NARS2: variants seen among roughly 807,000 people sequenced by gnomAD.
NARS2 encodes asparaginyl-tRNA synthetase.
Under a neutral mutation model 62.9 loss-of-function variants are expected in NARS2, and 60 were observed. The observed-to-expected ratio is 0.95, with a 90% CI of 0.77 to 1.18. NARS2 has a LOEUF of 1.18. Among genes scored for constraint, NARS2 ranks in the 50% most tolerant of loss-of-function variants. The pLI, the probability that NARS2 is intolerant of heterozygous loss-of-function variation, is 0.00. For synonymous variants in NARS2, 196 were observed against 200.0 expected, an observed-to-expected ratio of 0.98 and a Z score of 0.17; for missense variants, 619 against 576.4, an observed-to-expected ratio of 1.07 and a Z score of -0.76.
intron 9 of NARS2, among the ~76,000 whole-genome samples, chr11:78,471,472 A>G (rs866987574): frequency 1.2e-4 from 19 of 152,224 alleles, no homozygotes; most frequent in African/African-American, 3.9e-4. Flanking sequence ...TTATACAAAC[A>G]TTTAAAAATT....
chr11:78,439,124 A>G (rs943376472), intron 13 of NARS2, among the ~76,000 whole-genome samples: 4 of 151,720 alleles, frequency 2.6e-5, no homozygotes, highest in Admixed American at 2.0e-4. Flanking sequence ...TGAAACATCC[A>G]TCTCCCAGGT....
chr11:78,555,191 C>T (rs889790371), intron 5 of NARS2: 1 of 152,042 alleles, frequency 6.6e-6, no homozygotes, highest in African/African-American at 2.4e-5. Context: ...TTGATATTTT[C>T]TTTTTTTGTT....
intron 5 of NARS2, chr11:78,558,576 CCATT>C (rs1485178036): frequency 3.3e-5 from 5 of 152,296 alleles, no homozygotes; most frequent in Admixed American, 3.3e-4. Flanking sequence ...TTCTCTCTGT[CCATT>C]ATTATACAAC....
intron 13 of NARS2, among the ~76,000 whole-genome samples, chr11:78,437,527 C>T (rs549048979): frequency 7.2e-5 from 11 of 152,244 alleles, no homozygotes; most frequent in Middle Eastern, 6.8e-3. Flanking sequence ...CACTAAAGAC[C>T]ACATGGCAAG....
intron 12 of NARS2, among the ~76,000 whole-genome samples, chr11:78,442,436 C>A (rs1298873446): frequency 6.6e-6 from 1 of 152,106 alleles, no homozygotes; most frequent in Admixed American, 6.6e-5. Flanking sequence ...AACTAAGTTA[C>A]CCAGGAGATT....
intron 10 of NARS2, 147 bp downstream of exon 10, chr11:78,469,100 A>C: frequency 3.7e-6 from 2 of 534,636 alleles, no homozygotes; most frequent in South Asian, 6.1e-5. Flanking sequence ...CAAACATCAA[A>C]ATCTTAAGTC....
intron 11 of NARS2, among the ~76,000 whole-genome samples, chr11:78,445,776 T>C (rs1857738517): frequency 6.6e-6 from 1 of 152,102 alleles, no homozygotes. Flanking sequence ...ACAGCAAGAC[T>C]CCGTCCCTAC....
intron 7 of NARS2, among the ~76,000 whole-genome samples, chr11:78,484,956 A>G (rs904099046): frequency 6.6e-6 from 1 of 152,254 alleles, no homozygotes; most frequent in Non-Finnish European, 1.5e-5. Context: ...AGTACTATTT[A>G]CAACAGCAAA....
intron 6 of NARS2, among the ~76,000 whole-genome samples, chr11:78,516,605 TAC>T (rs1459847358): frequency 6.6e-6 from 1 of 152,222 alleles, no homozygotes; most frequent in Non-Finnish European, 1.5e-5. Context: ...TACTTTTTGA[TAC>T]ACACAGTTTC....
At chr11:78,503,532 C>T (rs983145539) in intron 6 of NARS2, among the ~76,000 whole-genome samples, 2 of 152,196 alleles carry the variant, frequency 1.3e-5, no homozygotes, top group African/African-American at 2.4e-5. Context: ...GCCACCATGC[C>T]CAGCCTGATC....
intron 13 of NARS2, among the ~76,000 whole-genome samples, chr11:78,437,105 G>A: frequency 6.6e-6 from 1 of 152,118 alleles, no homozygotes; most frequent in East Asian, 1.9e-4. Flanking sequence ...CTTGCCTCAG[G>A]AGGCTACAGA....
intron 11 of NARS2, among the ~76,000 whole-genome samples, chr11:78,463,833 A>C (rs1173420746): frequency 6.6e-6 from 1 of 151,602 alleles, no homozygotes; most frequent in Admixed American, 6.6e-5. Context: ...AAATCTGCCT[A>C]GACTGCCTGT....
At chr11:78,490,064 C>G (rs376483541) in intron 7 of NARS2, among the ~76,000 whole-genome samples, 1 of 152,040 alleles carries the variant, frequency 6.6e-6, no homozygotes, top group Non-Finnish European at 1.5e-5. Flanking sequence ...AGAAATGAAA[C>G]TTTACATTCA....
At chr11:78,538,925 G>A (rs533357554) in intron 5 of NARS2, among the ~76,000 whole-genome samples, 1 of 143,662 alleles carries the variant, frequency 7.0e-6, no homozygotes, top group South Asian at 2.3e-4. Flanking sequence ...AACCTGGGAG[G>A]CGGAGCTTGC....
chr11:78,528,813 A>G lies in NARS2; in HGVS notation c.689+29T>C, dbSNP rs545686953. 2.9e-5 allele frequency: 43 copies of G among 1,477,286 alleles called. No homozygotes were observed. In the South Asian group the frequency reaches 3.5e-4, roughly 12 times the overall value. 91.5% of individuals were successfully genotyped at this position (1,477,286 alleles called of 1,614,324 possible). A position where few individuals can be genotyped will look rare whatever the true frequency, so the allele number is the denominator to read the frequency against. ...ACTCTCAACCAAACCATAATATATC[A>G]AAGCAAAAGAGAAAGGAAAATTTCA... On this transcript the variant is annotated intron_variant, in intron 6 of 13. Transcript: ENST00000281038.
chr11:78,462,194 T>C (rs1325234611), intron 11 of NARS2, among the ~76,000 whole-genome samples: 1 of 152,086 alleles, frequency 6.6e-6, no homozygotes, highest in East Asian at 1.9e-4. Flanking sequence ...GGTGTGTGTG[T>C]TGGAGGGGGA....
chr11:78,559,278 G>A (rs1856475419), intron 5 of NARS2, among the ~76,000 whole-genome samples: 1 of 113,518 alleles, frequency 8.8e-6, no homozygotes, highest in African/African-American at 3.3e-5. Flanking sequence ...ACTCCAGCCT[G>A]GCCACAGAGT....
At chr11:78,444,986 C>T (rs563788401) in intron 11 of NARS2, among the ~76,000 whole-genome samples, 13 of 152,128 alleles carry the variant, frequency 8.5e-5, no homozygotes, top group African/African-American at 3.1e-4. Flanking sequence ...GATTAACATG[C>T]AAGATGTTTA....
intron 9 of NARS2, among the ~76,000 whole-genome samples, chr11:78,478,015 G>T (rs921297973): frequency 2.0e-5 from 3 of 152,076 alleles, no homozygotes; most frequent in Non-Finnish European, 4.4e-5. Flanking sequence ...TAACTCTCAC[G>T]CAGATCACTG....
Sources: gnomAD v4.1 joint callset for allele counts (sites outside exome capture counted in the v4.1 genomes callset) on GRCh38, gnomAD v4.1.1 for gene constraint, MANE v1.5 for transcripts, NCBI Gene and HGNC (gene_info 2026-07-23, HGNC 2026-07-21) for gene names.